Variants in TLN2 observed in about 807,000 individuals in gnomAD.
TLN2 encodes the protein talin-2.
In TLN2, 118 loss-of-function variants were observed where a neutral mutation model predicts 294.7. The observed-to-expected ratio is 0.40, with a 90% CI of 0.34 to 0.47. The LOEUF is 0.47. Ranked by LOEUF, TLN2 falls within the 20% of genes least tolerant of loss-of-function variation. The probability of loss-of-function intolerance (pLI) is 0.84; values close to 1 mark genes in which losing one functional copy is unlikely to be tolerated. For synonymous variants in TLN2, 1,431 were observed against 1,304.5 expected (o/e 1.10, Z -2.09); for missense variants, 3,083 against 3,282.2 (o/e 0.94, Z 1.48).
intron 11 of TLN2, among the ~76,000 whole-genome samples, chr15:62,681,536 G>C (rs187726935): frequency 6.6e-6 from 1 of 152,214 alleles, no homozygotes; most frequent in Non-Finnish European, 1.5e-5. Flanking sequence ...TAAATTTTAT[G>C]TCATTGTAAT....
chr15:62,661,015 G>A (rs11071682), intron 9 of TLN2, among the ~76,000 whole-genome samples: 118,546 of 152,148 alleles, frequency 0.78, 50,788 homozygotes, highest in East Asian at 0.95. Context: ...CATGCAAGAC[G>A]CAATGTTGAT....
intron 54 of TLN2, among the ~76,000 whole-genome samples, chr15:62,826,253 G>A (rs2068189326): frequency 6.6e-6 from 1 of 152,142 alleles, no homozygotes; most frequent in South Asian, 2.1e-4. Flanking sequence ...CAGTGGCGTT[G>A]CTTTCCATTT....
At chr15:62,391,891 T>C (rs931957439) in intron 1 of TLN2, among the ~76,000 whole-genome samples, 2 of 152,254 alleles carry the variant, frequency 1.3e-5, no homozygotes, top group Non-Finnish European at 2.9e-5. Flanking sequence ...GCCGGAGCCG[T>C]GCGCTGGGCG....
At chr15:62,805,465 A>G in intron 50 of TLN2, 135 bp from the exon 51 acceptor site, 1 of 910,116 alleles carries the variant, frequency 1.1e-6, no homozygotes, top group East Asian at 2.7e-5. Context: ...TCAAATTTCT[A>G]ATTTCGCCAT....
intron 52 of TLN2, among the ~76,000 whole-genome samples, chr15:62,811,917 C>T (rs903995436): frequency 6.6e-6 from 1 of 151,848 alleles, no homozygotes; most frequent in Non-Finnish European, 1.5e-5. Context: ...GAGGCTGAGG[C>T]AGGAGAATTG....
At chr15:62,534,520 G>A (rs1596041918) in intron 1 of TLN2, among the ~76,000 whole-genome samples, 1 of 152,232 alleles carries the variant, frequency 6.6e-6, no homozygotes, top group Non-Finnish European at 1.5e-5. Context: ...CACCCTCCAA[G>A]AACCTGCATG....
chr15:62,808,854 A>G (rs908968689), intron 51 of TLN2, among the ~76,000 whole-genome samples: 3 of 152,240 alleles, frequency 2.0e-5, no homozygotes, highest in Admixed American at 6.5e-5. Context: ...CATGCTGGCC[A>G]TGAGAATTAG....
At chr15:62,422,200 C>G (rs1035692287) in intron 1 of TLN2, among the ~76,000 whole-genome samples, 1 of 85,328 alleles carries the variant, frequency 1.2e-5, no homozygotes, top group African/African-American at 4.7e-5. Context: ...GCCTGGGCAA[C>G]AAGAGCAAAA....
At chr15:62,783,473 G>T (rs1275046217) in intron 44 of TLN2, among the ~76,000 whole-genome samples, 1 of 152,230 alleles carries the variant, frequency 6.6e-6, no homozygotes, top group Non-Finnish European at 1.5e-5. Flanking sequence ...CTGGGCACTG[G>T]CTCCAAGCTG....
At chr15:62,702,258 G>C in intron 18 of TLN2, 58 bp downstream of exon 18, 1 of 1,505,652 alleles carries the variant, frequency 6.6e-7, no homozygotes, top group South Asian at 1.3e-5. Flanking sequence ...CATCCACTGG[G>C]GGACCATGGG....
intron 7 of TLN2, among the ~76,000 whole-genome samples, chr15:62,653,977 C>T (rs1320697855): frequency 6.6e-6 from 1 of 152,116 alleles, no homozygotes; most frequent in Admixed American, 6.5e-5. Flanking sequence ...TTATGGGATG[C>T]ATTGTGATAT....
chr15:62,514,093 C>T (rs755466551), intron 1 of TLN2, among the ~76,000 whole-genome samples: 2 of 152,244 alleles, frequency 1.3e-5, no homozygotes, highest in East Asian at 1.9e-4. Flanking sequence ...ATGCGCACAG[C>T]ACACACTGTA....
At chr15:62,811,973 C>G (rs1365933451) in intron 52 of TLN2, among the ~76,000 whole-genome samples, 1 of 151,600 alleles carries the variant, frequency 6.6e-6, no homozygotes, top group African/African-American at 2.4e-5. Flanking sequence ...GATCACACCA[C>G]TGCACTCCAG....
chr15:62,626,962 A>C lies in TLN2; in HGVS notation c.-37+8487A>C, dbSNP rs79575586. On this transcript the variant is annotated intron_variant, in intron 3 of 58. Transcript: ENST00000636159. ...ACCAAGGTGTTTCCTCTTGGCAGATATCCAGTTACATTAACATAAGTATTT... is the reference window on the plus strand; with the variant it reads ...ACCAAGGTGTTTCCTCTTGGCAGATCTCCAGTTACATTAACATAAGTATTT... 5.6e-3 allele frequency among the ~76,000 whole-genome samples: 858 copies of C among 152,332 alleles called. 2 individuals are homozygous for C. Among genetic ancestry groups the C allele is most frequent in the Non-Finnish European group, 7.4e-3 (501 of 68,028 alleles).
At position 62,776,928 on chromosome 15, in the gene TLN2, GGCTCT is replaced by G; in HGVS notation, c.5514+19_5514+23del. The G allele has an allele frequency of 6.6e-7, 1 of 1,504,306 alleles. No homozygotes were observed. The highest frequency in any genetic ancestry group is 8.9e-7 in the Non-Finnish European group (1 of 1,120,100). The allele number at this position is 1,504,306 out of a possible 1,614,324, so 93.2% of individuals were successfully genotyped here. A position where few individuals can be genotyped will look rare whatever the true frequency, so the allele number is the denominator to read the frequency against. On this transcript the variant is annotated intron_variant, in intron 43 of 58. Transcript: ENST00000636159. ...TGAGCAAGGTGGGCATGGGCTCTAGGGCTCTCTACTCCCTTATCTCCCTCACCCAT... is the reference window on the plus strand; with the variant it reads ...TGAGCAAGGTGGGCATGGGCTCTAGGCTACTCCCTTATCTCCCTCACCCAT...
At chr15:62,781,297 G>T (rs372009887) in intron 44 of TLN2, 56 bp downstream of exon 44, 5 of 1,351,950 alleles carry the variant, frequency 3.7e-6, no homozygotes, top group Non-Finnish European at 5.3e-6. Context: ...ATCCACTGCC[G>T]CCGCTGAGCC....
chr15:62,462,140 A>T (rs2036844474), intron 1 of TLN2, among the ~76,000 whole-genome samples: 1 of 152,248 alleles, frequency 6.6e-6, no homozygotes, highest in African/African-American at 2.4e-5. Context: ...GGGCTGAGGC[A>T]GGAGAATTGC....
intron 1 of TLN2, among the ~76,000 whole-genome samples, chr15:62,480,537 A>G (rs1332896192): frequency 2.6e-5 from 4 of 152,190 alleles, no homozygotes; most frequent in Non-Finnish European, 5.9e-5. Context: ...TATTTCTTTA[A>G]AATGTCTTCT....
intron 1 of TLN2, among the ~76,000 whole-genome samples, chr15:62,491,593 C>G (rs528099215): frequency 1.3e-5 from 2 of 152,204 alleles, no homozygotes; most frequent in South Asian, 4.2e-4. Context: ...TGTCCTTTGT[C>G]CACAAGGAAA....
Sources: gnomAD v4.1 joint callset for allele counts (sites outside exome capture counted in the v4.1 genomes callset) on GRCh38, gnomAD v4.1.1 for gene constraint, MANE v1.5 for transcripts, NCBI Gene and HGNC (gene_info 2026-07-23, HGNC 2026-07-21) for gene names.